The following NKAIN2 variants were observed in gnomAD, a reference collection of about 807,000 sequenced individuals.
NKAIN2 encodes sodium/potassium-transporting ATPase subunit beta-1-interacting protein 2.
NKAIN2 carries 14 observed loss-of-function variants against 32.6 expected under a neutral mutation model. The ratio of observed to expected loss-of-function variants is 0.43; its 90% CI spans 0.28 to 0.67. NKAIN2 has a LOEUF of 0.67. NKAIN2 is among the 30% of genes least tolerant of loss of function. The probability of loss-of-function intolerance (pLI) is 0.17; values close to 1 mark genes in which losing one functional copy is unlikely to be tolerated. For missense variants in NKAIN2, 198 were observed against 258.3 expected, an observed-to-expected ratio of 0.77 and a Z score of 1.60; for synonymous variants, 80 against 87.2, an observed-to-expected ratio of 0.92 and a Z score of 0.46.
At position 124,701,153 on chromosome 6, in the gene NKAIN2, G is replaced by GCGCACACA. The variant is rs1554253913; in HGVS notation, c.474+42768_474+42769insGCACACAC. Among the ~76,000 whole-genome samples the GCGCACACA allele has an allele frequency of 7.5e-4, 99 of 132,114 alleles. 1 individual carries two copies. The highest frequency in any genetic ancestry group is 2.3e-3 in the African/African-American group (85 of 37,246). The allele number at this position is 132,114 out of a possible 152,430, so 86.7% of individuals were successfully genotyped here. On this transcript the variant is annotated intron_variant, in intron 4 of 6. Transcript: ENST00000368417. The stretch of plus-strand genomic sequence containing the variant: ...AGGAGAGAGATACACACACACACAC[G>GCGCACACA]CACACACACACACACACACACACAC...
chr6:124,013,920 A>G (rs1780452270), intron 1 of NKAIN2, among the ~76,000 whole-genome samples: 1 of 152,214 alleles, frequency 6.6e-6, no homozygotes, highest in South Asian at 2.1e-4. Context: ...ATTCTTCCAT[A>G]GAATCTCCAG....
At chr6:124,246,152 G>A (rs1582918024) in intron 1 of NKAIN2, among the ~76,000 whole-genome samples, 1 of 151,904 alleles carries the variant, frequency 6.6e-6, no homozygotes, top group Non-Finnish European at 1.5e-5. Context: ...GCAGCTAAGG[G>A]AACTAATAAG....
chr6:123,917,270 A>T (rs926825328), intron 1 of NKAIN2, among the ~76,000 whole-genome samples: 8 of 152,230 alleles, frequency 5.3e-5, no homozygotes, highest in African/African-American at 1.9e-4. Flanking sequence ...ATTAGCATAA[A>T]TATAACATAC....
At chr6:123,881,971 G>A (rs1039314547) in intron 1 of NKAIN2, among the ~76,000 whole-genome samples, 3 of 151,942 alleles carry the variant, frequency 2.0e-5, no homozygotes, top group African/African-American at 4.8e-5. Flanking sequence ...GAAGGGTGCC[G>A]TATCTTAAAA....
At chr6:124,671,749 G>C (rs563016543) in intron 4 of NKAIN2, among the ~76,000 whole-genome samples, 1 of 152,044 alleles carries the variant, frequency 6.6e-6, no homozygotes, top group East Asian at 1.9e-4. Context: ...TTAGGTACTT[G>C]GTTTTTTCTT....
At chr6:124,156,410 T>C (rs1488035729) in intron 1 of NKAIN2, among the ~76,000 whole-genome samples, 2 of 152,142 alleles carry the variant, frequency 1.3e-5, no homozygotes, top group African/African-American at 4.8e-5. Flanking sequence ...AGTTAAGGGC[T>C]ACTGTAGGAA....
At chr6:124,368,198 A>G (rs561401988) in intron 3 of NKAIN2, among the ~76,000 whole-genome samples, 1 of 152,242 alleles carries the variant, frequency 6.6e-6, no homozygotes, top group South Asian at 2.1e-4. Flanking sequence ...CTCAATTTTC[A>G]GGGTATTCTT....
intron 1 of NKAIN2, among the ~76,000 whole-genome samples, chr6:123,821,170 G>A (rs1456889105): frequency 6.6e-6 from 1 of 152,116 alleles, no homozygotes; most frequent in Non-Finnish European, 1.5e-5. Context: ...TATAAAAAAC[G>A]CTGACCTGAA....
intron 3 of NKAIN2, among the ~76,000 whole-genome samples, chr6:124,391,601 A>G (rs1018929038): frequency 2.6e-5 from 4 of 152,086 alleles, no homozygotes; most frequent in Admixed American, 1.3e-4. Context: ...ACACAAAGAG[A>G]GCTCTCCATC....
chr6:124,723,408 A>G (rs1485035715), intron 4 of NKAIN2, among the ~76,000 whole-genome samples: 1 of 137,314 alleles, frequency 7.3e-6, no homozygotes, highest in Non-Finnish European at 1.6e-5. Context: ...TATCTGCCTC[A>G]CTGCTGCACT....
chr6:124,577,399 G>T (rs902057173), intron 3 of NKAIN2, among the ~76,000 whole-genome samples: 1 of 151,976 alleles, frequency 6.6e-6, no homozygotes, highest in Non-Finnish European at 1.5e-5. Context: ...GTGCTTGGGG[G>T]ACAGAAGGCA....
chr6:124,667,935 A>T (rs1042634560), intron 4 of NKAIN2, among the ~76,000 whole-genome samples: 1 of 152,074 alleles, frequency 6.6e-6, no homozygotes, highest in Non-Finnish European at 1.5e-5. Flanking sequence ...CGAAAACTCT[A>T]CTGTTCCCAA....
intron 2 of NKAIN2, among the ~76,000 whole-genome samples, chr6:124,327,993 G>A (rs1231010010): frequency 6.6e-6 from 1 of 152,186 alleles, no homozygotes; most frequent in African/African-American, 2.4e-5. Flanking sequence ...TAAGTACTTT[G>A]TAAAACATTG....
chr6:123,841,057 C>G (rs1456809932), intron 1 of NKAIN2, among the ~76,000 whole-genome samples: 1 of 151,954 alleles, frequency 6.6e-6, no homozygotes, highest in African/African-American at 2.4e-5. Context: ...ATACAAATGT[C>G]CAAACTCAGG....
At chr6:124,520,737 A>G (rs1321805774) in intron 3 of NKAIN2, among the ~76,000 whole-genome samples, 1 of 152,190 alleles carries the variant, frequency 6.6e-6, no homozygotes, top group Non-Finnish European at 1.5e-5. Flanking sequence ...CATAAATGGA[A>G]ATCCCTATGT....
intron 1 of NKAIN2, among the ~76,000 whole-genome samples, chr6:123,913,723 A>G (rs1775338730): frequency 1.3e-5 from 2 of 152,092 alleles, no homozygotes; most frequent in African/African-American, 2.4e-5. Context: ...TTACCTAATT[A>G]CCAGATTTTA....
At chr6:123,947,010 T>C (rs1777093664) in intron 1 of NKAIN2, among the ~76,000 whole-genome samples, 1 of 152,292 alleles carries the variant, frequency 6.6e-6, no homozygotes, top group Admixed American at 6.5e-5. Context: ...CTGGAGTCTT[T>C]ATTGAGCTCT....
intron 1 of NKAIN2, among the ~76,000 whole-genome samples, chr6:123,864,262 T>C (rs1582673739): frequency 6.6e-6 from 1 of 152,314 alleles, no homozygotes; most frequent in East Asian, 1.9e-4. Flanking sequence ...TGTAAATAAA[T>C]AGGCAGGATG....
chr6:123,851,471 G>T (rs147025361), intron 1 of NKAIN2, among the ~76,000 whole-genome samples: 2,172 of 151,706 alleles, frequency 0.014, 34 homozygotes, highest in African/African-American at 0.043. Flanking sequence ...GGCTGGTCTT[G>T]AGCTCCTAAC....
Sources: allele counts gnomAD v4.1 joint callset (sites outside exome capture counted in the v4.1 genomes callset), GRCh38; gene constraint gnomAD v4.1.1; transcripts MANE v1.5; gene names NCBI Gene and HGNC (gene_info 2026-07-23, HGNC 2026-07-21).